ASAP1: variants seen among roughly 807,000 people sequenced by gnomAD.
The protein encoded by ASAP1 is ArfGAP with SH3 domain, ankyrin repeat and PH domain 1, also known as arf-GAP with SH3 domain, ANK repeat and PH domain-containing protein 1.
Under a neutral mutation model 145.2 loss-of-function variants are expected in ASAP1, and 43 were observed. That is an observed-to-expected ratio of 0.30 (90% CI 0.23 to 0.38). The LOEUF is 0.38. ASAP1 is among the 10% of genes least tolerant of loss of function. The pLI is 1.00. For missense variants in ASAP1, 1,018 were observed against 1,355.3 expected, an observed-to-expected ratio of 0.75 and a Z score of 3.91; for synonymous variants, 546 against 515.5, an observed-to-expected ratio of 1.06 and a Z score of -0.80.
rs967268847 is a variant in ASAP1 at position 130,163,803 on chromosome 8, C to G, written c.909+3733G>C. ...CAGGAAACAGAAAAACTCATTTGGGCAAAAACATAAAACATAAACAATGAA... is the reference window on the plus strand; with the variant it reads ...CAGGAAACAGAAAAACTCATTTGGGGAAAAACATAAAACATAAACAATGAA... On this transcript the variant is annotated intron_variant, in intron 11 of 29. Coordinates refer to ENST00000518721, the MANE Select transcript of ASAP1 (RefSeq NM_018482.4). Among the ~76,000 whole-genome samples, 13 of 152,140 alleles carry G rather than the reference C, an allele frequency of 8.5e-5. 1 individual carries two copies. The highest frequency in any genetic ancestry group is 1.5e-5 in the Non-Finnish European group (1 of 68,004).
At chr8:130,308,349 C>T (rs1168646701) in intron 3 of ASAP1, among the ~76,000 whole-genome samples, 2 of 152,194 alleles carry the variant, frequency 1.3e-5, no homozygotes, top group Non-Finnish European at 2.9e-5. Context: ...CAGGGGTGAA[C>T]TACTCAATAT....
chr8:130,115,808 C>G (rs1754822674), intron 22 of ASAP1, 73 bp from the exon 23 acceptor site: 2 of 1,065,252 alleles, frequency 1.9e-6, no homozygotes, highest in Non-Finnish European at 2.9e-6. Context: ...AAACACTGAG[C>G]AAATCCCACC....
intron 27 of ASAP1, among the ~76,000 whole-genome samples, chr8:130,072,689 G>C (rs72722312): frequency 8.6e-4 from 131 of 151,912 alleles, no homozygotes; most frequent in Non-Finnish European, 1.6e-3. Flanking sequence ...CCTGAGTTCT[G>C]TGAGCTGCTA....
intron 5 of ASAP1, among the ~76,000 whole-genome samples, 200 bp downstream of exon 5, chr8:130,214,356 T>A (rs984688189): frequency 4.6e-5 from 7 of 152,204 alleles, no homozygotes; most frequent in African/African-American, 1.7e-4. Flanking sequence ...ACAATGGGAT[T>A]TTCTTTAAGC....
At chr8:130,262,414 A>AGAG (rs1819970241) in intron 3 of ASAP1, among the ~76,000 whole-genome samples, 1 of 85,544 alleles carries the variant, frequency 1.2e-5, no homozygotes, top group Non-Finnish European at 2.3e-5. Context: ...AAAAAAAAAA[A>AGAG]AAAGAGAGAG....
chr8:130,350,352 T>C (rs1825925633), intron 3 of ASAP1, among the ~76,000 whole-genome samples: 1 of 152,146 alleles, frequency 6.6e-6, no homozygotes, highest in Admixed American at 6.5e-5. Context: ...ATGGTTTCTG[T>C]CTCATCTTTG....
intron 2 of ASAP1, among the ~76,000 whole-genome samples, chr8:130,363,523 A>C (rs903368799): frequency 3.9e-5 from 6 of 152,200 alleles, no homozygotes; most frequent in African/African-American, 1.4e-4. Flanking sequence ...TATTTATCCC[A>C]AACTTACCAG....
intron 4 of ASAP1, among the ~76,000 whole-genome samples, chr8:130,229,116 A>T (rs892432911): frequency 6.6e-6 from 1 of 152,200 alleles, no homozygotes; most frequent in African/African-American, 2.4e-5. Context: ...ATTATCAATG[A>T]AAACCAGTTC....
chr8:130,174,195 T>C (rs1813794853), intron 9 of ASAP1, among the ~76,000 whole-genome samples: 1 of 151,610 alleles, frequency 6.6e-6, no homozygotes, highest in Non-Finnish European at 1.5e-5. Flanking sequence ...GGGCAGTTAT[T>C]CACCCTGTCT....
chr8:130,418,776 GT>G (rs11340723), intron 1 of ASAP1, among the ~76,000 whole-genome samples: 137,679 of 146,988 alleles, frequency 0.94, 64,924 homozygotes, highest in Non-Finnish European at 1. Flanking sequence ...AAAAATAGGA[GT>G]TTTTTTTTTT....
rs978365065 is a variant in ASAP1, at chr8:130,127,874, T to C, written c.1381+53A>G. The C allele has an allele frequency of 5.7e-6, 9 of 1,592,204 alleles. No homozygotes were observed. The African/African-American group carries it at 1.2e-4, about 22-fold the overall frequency. The stretch of plus-strand genomic sequence containing the variant: ...TCAATAACTAGATCGTTTTATATTC[T>C]ACAGGAAGAGAAAGGATGTTGTAAA... On this transcript the variant is annotated intron_variant, in intron 16 of 29. Coordinates refer to ENST00000518721, the MANE Select transcript of ASAP1 (RefSeq NM_018482.4).
At chr8:130,216,712 T>C (rs988165384) in intron 4 of ASAP1, among the ~76,000 whole-genome samples, 2 of 152,142 alleles carry the variant, frequency 1.3e-5, no homozygotes, top group African/African-American at 2.4e-5. Context: ...CCTAAATTGA[T>C]ATCCCCAGCC....
chr8:130,358,236 G>T lies in ASAP1; in HGVS notation c.60-93C>A. 2 of 1,010,314 alleles carry T rather than the reference G, an allele frequency of 2.0e-6. No homozygotes were observed. The highest frequency in any genetic ancestry group is 2.5e-6 in the Non-Finnish European group (2 of 809,506). 62.6% of individuals were successfully genotyped at this position (1,010,314 alleles called of 1,614,324 possible). ...GGCCGCCCGGAGGCTCATGAACCCC[G>T]GCGCGCAGCCCGCCACCCGCCGCCC... On this transcript the variant is annotated intron_variant, in intron 2 of 29. Coordinates refer to ENST00000518721, the MANE Select transcript of ASAP1 (RefSeq NM_018482.4). The surrounding 1 kb of genome is among the most constrained non-coding windows in gnomAD (Gnocchi z 4.1).
chr8:130,436,675 G>A (rs1830323537), intron 1 of ASAP1, among the ~76,000 whole-genome samples: 1 of 152,194 alleles, frequency 6.6e-6, no homozygotes, highest in Non-Finnish European at 1.5e-5. Flanking sequence ...GGTGGCTCAT[G>A]CTGGTAATCC....
At chr8:130,131,980 G>A (rs1412345282) in intron 15 of ASAP1, among the ~76,000 whole-genome samples, 1 of 152,184 alleles carries the variant, frequency 6.6e-6, no homozygotes, top group East Asian at 1.9e-4. Flanking sequence ...AGTCATAAGG[G>A]AACAAACAGA....
At chr8:130,315,334 T>C (rs1823601797) in intron 3 of ASAP1, among the ~76,000 whole-genome samples, 1 of 152,120 alleles carries the variant, frequency 6.6e-6, no homozygotes, top group Non-Finnish European at 1.5e-5. Flanking sequence ...TATAACATAA[T>C]GATCATGCCC....
intron 3 of ASAP1, among the ~76,000 whole-genome samples, chr8:130,318,387 T>C (rs1331606418): frequency 6.6e-6 from 1 of 152,174 alleles, no homozygotes; most frequent in African/African-American, 2.4e-5. Flanking sequence ...CAGCCCAGTG[T>C]TTTTATGATG....
At chr8:130,144,076 T>C (rs1378381349) in intron 13 of ASAP1, among the ~76,000 whole-genome samples, 1 of 152,224 alleles carries the variant, frequency 6.6e-6, no homozygotes, top group Admixed American at 6.5e-5. Flanking sequence ...GCTCAGACCA[T>C]TATGGTCATT....
intron 3 of ASAP1, among the ~76,000 whole-genome samples, chr8:130,291,963 A>G (rs1355173541): frequency 1.3e-5 from 2 of 152,144 alleles, no homozygotes; most frequent in Non-Finnish European, 2.9e-5. Context: ...ACTGTGAGGG[A>G]CCAGACCATC....
Sources: allele counts gnomAD v4.1 joint callset (sites outside exome capture counted in the v4.1 genomes callset), GRCh38; gene constraint gnomAD v4.1.1; non-coding constraint Gnocchi (gnomAD v3.1); transcripts MANE v1.5; gene names NCBI Gene and HGNC (gene_info 2026-07-23, HGNC 2026-07-21).